The following TUBGCP4 variants were observed in gnomAD, a reference collection of about 807,000 sequenced individuals.
The protein encoded by TUBGCP4 is tubulin gamma complex component 4, also known as gamma-tubulin complex component 4.
Under a neutral mutation model 91.6 loss-of-function variants are expected in TUBGCP4, and 54 were observed. That is an observed-to-expected ratio of 0.59 (90% CI 0.47 to 0.74). TUBGCP4 has a LOEUF of 0.74. Ranked by LOEUF, TUBGCP4 falls within the 30% of genes least tolerant of loss-of-function variation. TUBGCP4 has a pLI of 0.00. For missense variants in TUBGCP4, 593 were observed against 800.9 expected (o/e 0.74, Z 3.13); for synonymous variants, 297 against 302.8 (o/e 0.98, Z 0.20).
intron 17 of TUBGCP4, chr15:43,404,766 G>C (rs1395019992): frequency 1.7e-6 from 1 of 583,652 alleles, no homozygotes; most frequent in Non-Finnish European, 2.9e-6. Context: ...ACCTGACAGT[G>C]AGATAGGTGT....
intron 7 of TUBGCP4, chr15:43,385,565 G>A (rs2044343130): frequency 5.6e-6 from 3 of 537,044 alleles, no homozygotes; most frequent in Admixed American, 6.2e-5. Flanking sequence ...CAGAGTGAGG[G>A]CCCAAATCCC....
chr15:43,388,644 A>G (rs1595488306), intron 9 of TUBGCP4, among the ~76,000 whole-genome samples: 1 of 152,236 alleles, frequency 6.6e-6, no homozygotes, highest in East Asian at 1.9e-4. Context: ...GTAAAATTGT[A>G]CTGACTGAAT....
chr15:43,382,941 A>G (rs149194669), intron 6 of TUBGCP4, among the ~76,000 whole-genome samples: 34 of 152,328 alleles, frequency 2.2e-4, no homozygotes, highest in South Asian at 4.1e-4. Flanking sequence ...ATACTGTGTT[A>G]GCCAAAAAGA....
intron 14 of TUBGCP4, among the ~76,000 whole-genome samples, chr15:43,401,198 C>G (rs1323861900): frequency 6.8e-6 from 1 of 147,118 alleles, no homozygotes; most frequent in Non-Finnish European, 1.5e-5. Flanking sequence ...CACCTGTAAT[C>G]CCAGCACTTT....
chr15:43,401,909 A>AC (rs2044690287), intron 15 of TUBGCP4, 59 bp downstream of exon 15: 2 of 1,581,296 alleles, frequency 1.3e-6, no homozygotes, highest in Non-Finnish European at 1.7e-6. Context: ...TCCCTTAGGC[A>AC]GTTTGAGTTG....
intron 17 of TUBGCP4, 125 bp downstream of exon 17, chr15:43,404,677 T>TAG: frequency 9.9e-7 from 1 of 1,011,684 alleles, no homozygotes; most frequent in Non-Finnish European, 1.4e-6. Flanking sequence ...GGCTTAGAGA[T>TAG]AGAGGTGTGA....
At chr15:43,389,698 CTG>C (rs1180496773) in intron 9 of TUBGCP4, among the ~76,000 whole-genome samples, 1 of 152,064 alleles carries the variant, frequency 6.6e-6, no homozygotes, top group Non-Finnish European at 1.5e-5. Context: ...TTGTATTAGT[CTG>C]TTCTCATGCT....
At chr15:43,376,327 T>G (rs2044204476) in intron 2 of TUBGCP4, 101 bp downstream of exon 2, 5 of 1,597,356 alleles carry the variant, frequency 3.1e-6, no homozygotes, top group Non-Finnish European at 4.3e-6. Context: ...TCAGTGAATT[T>G]ATCGGTAATT....
At chr15:43,379,954 T>G (rs2044263414) in intron 5 of TUBGCP4, 130 bp from the exon 6 acceptor site, 1 of 858,808 alleles carries the variant, frequency 1.2e-6, no homozygotes, top group East Asian at 2.6e-5. Context: ...CCACTATGTG[T>G]AAATCTTAGG....
intron 1 of TUBGCP4, among the ~76,000 whole-genome samples, chr15:43,372,574 C>T (rs1002695494): frequency 6.7e-5 from 9 of 135,070 alleles, no homozygotes; most frequent in Non-Finnish European, 1.4e-4. Flanking sequence ...ATGTGGGTGC[C>T]TGATGGTCCA....
intron 9 of TUBGCP4, among the ~76,000 whole-genome samples, chr15:43,389,916 T>C (rs1191871848): frequency 6.6e-6 from 1 of 151,630 alleles, no homozygotes; most frequent in Admixed American, 6.6e-5. Flanking sequence ...AAATATATAA[T>C]TTATTATAAA....
chr15:43,380,068 G>T lies in TUBGCP4; in HGVS notation c.442-16G>T, dbSNP rs1408523908. On this transcript the variant is annotated splice_polypyrimidine_tract_variant and intron_variant, in intron 5 of 17. Transcript: ENST00000564079. ...TTAGAATGGAATCCAGTTTGACAAGGCCGTATTTTCCACAGATTCATGGTT... is the reference window on the plus strand; with the variant it reads ...TTAGAATGGAATCCAGTTTGACAAGTCCGTATTTTCCACAGATTCATGGTT... 1 of 1,613,384 alleles carries T rather than the reference G, an allele frequency of 6.2e-7. No individual in the cohort carries two copies. Among genetic ancestry groups the T allele is most frequent in the Non-Finnish European group, 8.5e-7 (1 of 1,179,434 alleles).
Position 43,383,655 on chromosome 15 carries a change from G to A in TUBGCP4, c.723+151G>A, listed in dbSNP as rs555312920. The A allele has an allele frequency of 3.7e-5, 21 of 571,850 alleles. No individual in the cohort carries two copies. The East Asian group carries it at 6.4e-4, about 17-fold the overall frequency. The allele number at this position is 571,850 out of a possible 1,614,324, so 35.4% of individuals were successfully genotyped here. ...AACATTCGGCTTTATCTTAACTAGT[G>A]TGAGACTATAAAATAGAAAATATGT... On this transcript the variant is annotated intron_variant, in intron 7 of 17. Transcript: ENST00000564079.
chr15:43,385,571 A>T (rs2044343200), intron 7 of TUBGCP4: 1 of 545,078 alleles, frequency 1.8e-6, no homozygotes, highest in Non-Finnish European at 3.2e-6. Flanking sequence ...GAGGGCCCAA[A>T]TCCCAGTATT....
At chr15:43,403,465 A>G (rs569147914) in intron 15 of TUBGCP4, 40 of 486,190 alleles carry the variant, frequency 8.2e-5, no homozygotes, top group African/African-American at 7.6e-4. Context: ...CAGGGCTAAG[A>G]GAGTAATACT....
rs765860359 is a variant in TUBGCP4 at position 43,376,591 on chromosome 15, C to G, written c.296C>G (p.Pro99Arg). 6.2e-7 allele frequency: 1 copy of G among 1,614,070 alleles called. No homozygotes were observed. The highest frequency in any genetic ancestry group is 1.3e-5 in the African/African-American group (1 of 74,928). ...ACAGGGCTGGATTCTGTTTTGCAGCCTTATCGCCAAGCACTGCTTGATTTG... is the reference window on the plus strand; with the variant it reads ...ACAGGGCTGGATTCTGTTTTGCAGCGTTATCGCCAAGCACTGCTTGATTTG... ...FCTGLDSVLQPYRQALLDLEQ... is the reference protein window; with the variant it reads ...FCTGLDSVLQRYRQALLDLEQ... Residue 99 changes from proline (P) to arginine (R), a missense_variant, in exon 3 of 18, where the codon CCT becomes CGT. Transcript: ENST00000564079.
chr15:43,377,762 A>C, intron 4 of TUBGCP4, 85 bp from the exon 5 acceptor site: 2 of 1,112,788 alleles, frequency 1.8e-6, no homozygotes, highest in Admixed American at 4.2e-5. Flanking sequence ...AAGTTGAACT[A>C]TTTAGAAACA....
chr15:43,385,982 C>G lies in TUBGCP4; in HGVS notation c.889+26C>G, dbSNP rs755299648. The G allele has an allele frequency of 4.3e-6, 7 of 1,611,192 alleles. No homozygotes were observed. In the South Asian group the frequency reaches 6.6e-5, roughly 15 times the overall value. ...GTAGAAATCTCCTTGTCCAATGTAC[C>G]ACACCCTCAAAATCTCTTCTTCCTT... On this transcript the variant is annotated intron_variant, in intron 8 of 17. Transcript: ENST00000564079.
At position 43,406,478 on chromosome 15, in the gene TUBGCP4, G is replaced by A. The variant is rs2044885763; in HGVS notation, c.*1264G>A. The A allele has an allele frequency of 2.5e-6, 1 of 402,202 alleles. No homozygotes were observed. The highest frequency in any genetic ancestry group is 1.9e-5 in the South Asian group (1 of 53,160). 24.9% of individuals were successfully genotyped at this position (402,202 alleles called of 1,614,324 possible). A position where few individuals can be genotyped will look rare whatever the true frequency, so the allele number is the denominator to read the frequency against. ...TTTTGTACAGTTTTACTGAAACACAGCCATGCCCATTTGTTTACTCATTGT... is the reference window on the plus strand; with the variant it reads ...TTTTGTACAGTTTTACTGAAACACAACCATGCCCATTTGTTTACTCATTGT... On this transcript the variant is annotated 3_prime_UTR_variant, in exon 18 of 18. Transcript: ENST00000564079.
Sources: allele counts gnomAD v4.1 joint callset (sites outside exome capture counted in the v4.1 genomes callset), GRCh38; gene constraint gnomAD v4.1.1; transcripts MANE v1.5; gene names NCBI Gene and HGNC (gene_info 2026-07-23, HGNC 2026-07-21).